Variants in NSUN6 observed in about 807,000 individuals in gnomAD.
The protein encoded by NSUN6 is NOP2/Sun RNA methyltransferase 6.
A neutral mutation model predicts 58.0 loss-of-function variants in NSUN6; 64 were observed. That is an observed-to-expected ratio of 1.10 (90% CI 0.90 to 1.36). NSUN6 has a LOEUF of 1.36. Among genes scored for constraint, NSUN6 ranks in the 40% most tolerant of loss-of-function variants. The pLI, the probability that NSUN6 is intolerant of heterozygous loss-of-function variation, is 0.00. For missense variants in NSUN6, 701 were observed against 550.1 expected (o/e 1.27, Z -2.74); for synonymous variants, 231 against 193.9 (o/e 1.19, Z -1.59).
At chr10:18,641,929 G>A (rs979276511) in intron 3 of NSUN6, among the ~76,000 whole-genome samples, 6 of 152,078 alleles carry the variant, frequency 3.9e-5, no homozygotes, top group African/African-American at 1.4e-4. Context: ...TTAGCCAGGT[G>A]CAGTGGTGCG....
At chr10:18,617,040 C>G (rs1455215026) in intron 3 of NSUN6, among the ~76,000 whole-genome samples, 1 of 152,146 alleles carries the variant, frequency 6.6e-6, no homozygotes. Flanking sequence ...TGCTCATTCT[C>G]TGCCTACTTC....
In NSUN6 at chr10:18,630,503, G is replaced by A. The variant is rs547894988; in HGVS notation, c.311+11973C>T. 9.3e-4 allele frequency among the ~76,000 whole-genome samples: 141 copies of A among 152,100 alleles called. 1 individual carries two copies. Among genetic ancestry groups the A allele is most frequent in the East Asian group, 2.1e-3 (11 of 5,180 alleles). On this transcript the variant is annotated intron_variant, in intron 3 of 10. Coordinates refer to ENST00000377304, the MANE Select transcript of NSUN6 (RefSeq NM_182543.5). Reference sequence around the variant, plus strand: ...AAAGGATCAACAAAATTGATAGACCGCTAGCAAGACTAATAAAGAAAAAAA... The same window carrying A: ...AAAGGATCAACAAAATTGATAGACCACTAGCAAGACTAATAAAGAAAAAAA...
At chr10:18,575,047 A>T (rs1410708377) in intron 8 of NSUN6, among the ~76,000 whole-genome samples, 3 of 152,160 alleles carry the variant, frequency 2.0e-5, no homozygotes, top group Admixed American at 6.6e-5. Context: ...TAATAAAAAT[A>T]GGCGCTAAAG....
intron 8 of NSUN6, among the ~76,000 whole-genome samples, chr10:18,566,773 T>A (rs914025022): frequency 6.6e-6 from 1 of 150,992 alleles, no homozygotes; most frequent in Non-Finnish European, 1.5e-5. Flanking sequence ...CGATTCTGCA[T>A]TCCATTCCAT....
intron 6 of NSUN6, among the ~76,000 whole-genome samples, chr10:18,606,153 C>T (rs1489384879): frequency 2.0e-5 from 3 of 151,976 alleles, no homozygotes; most frequent in African/African-American, 2.4e-5. Flanking sequence ...ATGATGGTTC[C>T]CAAATCTGGG....
At position 18,604,614 on chromosome 10, in the gene NSUN6, T is replaced by C. The variant is rs191152931; in HGVS notation, c.657+5231A>G. Among the ~76,000 whole-genome samples, 857 of 152,212 alleles carry C rather than the reference T, an allele frequency of 5.6e-3. 3 individuals carry two copies. Among genetic ancestry groups the C allele is most frequent in the Non-Finnish European group, 9.0e-3 (611 of 68,004 alleles). Reference sequence around the variant, plus strand: ...TAAAGTGTAGGAAGGCCAGGCATGGTGGCTCACACCTGTAATCCCAGCACT... The same window carrying C: ...TAAAGTGTAGGAAGGCCAGGCATGGCGGCTCACACCTGTAATCCCAGCACT... On this transcript the variant is annotated intron_variant, in intron 6 of 10. Transcript: ENST00000377304.
intron 3 of NSUN6, among the ~76,000 whole-genome samples, chr10:18,632,054 G>A (rs1393294293): frequency 6.7e-6 from 1 of 150,348 alleles, no homozygotes; most frequent in Non-Finnish European, 1.5e-5. Flanking sequence ...TACCAAAACA[G>A]AGATATAGAT....
intron 8 of NSUN6, among the ~76,000 whole-genome samples, chr10:18,573,033 T>C (rs1209941793): frequency 3.3e-5 from 5 of 151,192 alleles, no homozygotes; most frequent in African/African-American, 1.2e-4. Flanking sequence ...CCATTCTTCA[T>C]TCCATTCCAT....
Position 18,646,315 on chromosome 10 carries a change from GA to G in NSUN6, c.231+2174del, listed in dbSNP as rs552467177. On this transcript the variant is annotated intron_variant, in intron 2 of 10. Coordinates refer to ENST00000377304, the MANE Select transcript of NSUN6 (RefSeq NM_182543.5). The stretch of plus-strand genomic sequence containing the variant: ...ACACGTGAACTTTTCAACGTGAAAG[GA>G]AAAAGAAATCCACAGCCTAAAACCT... Among the ~76,000 whole-genome samples, 261 of 152,240 alleles carry G rather than the reference GA, an allele frequency of 1.7e-3. 13 individuals are homozygous for G. The South Asian group carries it at 0.053, about 31-fold the overall frequency.
chr10:18,548,259 CCA>C, intron 9 of NSUN6, 22 bp from the exon 10 acceptor site: 1 of 1,600,944 alleles, frequency 6.2e-7, no homozygotes, highest in Non-Finnish European at 8.5e-7. Flanking sequence ...TGTGATCAGA[CCA>C]CACACAGCAC....
At chr10:18,620,503 C>T (rs1045998270) in intron 3 of NSUN6, among the ~76,000 whole-genome samples, 3 of 152,186 alleles carry the variant, frequency 2.0e-5, no homozygotes, top group Non-Finnish European at 4.4e-5. Flanking sequence ...ACCCATCCCC[C>T]AACTCTGAAA....
chr10:18,588,583 C>A (rs1399368380), intron 7 of NSUN6, among the ~76,000 whole-genome samples: 1 of 152,178 alleles, frequency 6.6e-6, no homozygotes, highest in Non-Finnish European at 1.5e-5. Context: ...GAGGAAGGAA[C>A]AGGCAGCAAT....
intron 5 of NSUN6, among the ~76,000 whole-genome samples, chr10:18,612,935 T>G (rs1194411249): frequency 6.6e-6 from 1 of 152,202 alleles, no homozygotes; most frequent in African/African-American, 2.4e-5. Flanking sequence ...ATTCACTAAC[T>G]GAATAGCAAT....
upstream of NSUN6, among the ~76,000 whole-genome samples, chr10:18,656,219 G>T (rs1335765930): frequency 6.6e-6 from 1 of 152,094 alleles, no homozygotes; most frequent in Admixed American, 6.5e-5. Flanking sequence ...TCTGGAGACT[G>T]ATCAACTAAA....
In NSUN6 at chr10:18,557,592, T is replaced by C. The variant is rs116919605; in HGVS notation, c.923-5621A>G. ...ACAGTGGAATGAATGGAATGGAGAATGGAATGGAAGATGGATTGGAACGGA... is the reference window on the plus strand; with the variant it reads ...ACAGTGGAATGAATGGAATGGAGAACGGAATGGAAGATGGATTGGAACGGA... On this transcript the variant is annotated intron_variant, in intron 8 of 10. Transcript: ENST00000377304. 5.3e-3 allele frequency among the ~76,000 whole-genome samples: 744 copies of C among 140,866 alleles called. 20 individuals are homozygous for C. Among genetic ancestry groups the C allele is most frequent in the Admixed American group, 0.031 (430 of 13,940 alleles). 92.4% of individuals were successfully genotyped at this position (140,866 alleles called of 152,430 possible).
intron 3 of NSUN6, among the ~76,000 whole-genome samples, chr10:18,627,281 TAA>T (rs893652882): frequency 6.6e-6 from 1 of 152,194 alleles, no homozygotes; most frequent in African/African-American, 2.4e-5. Context: ...TTACTGTATA[TAA>T]AGTTTAACTG....
At chr10:18,637,276 G>T (rs2131532511) in intron 3 of NSUN6, among the ~76,000 whole-genome samples, 1 of 152,234 alleles carries the variant, frequency 6.6e-6, no homozygotes, top group African/African-American at 2.4e-5. Context: ...TTTCAGGAAT[G>T]AAATGTAGGT....
intron 10 of NSUN6, among the ~76,000 whole-genome samples, 200 bp from the exon 11 acceptor site, chr10:18,546,345 C>A (rs1265271486): frequency 6.6e-6 from 1 of 152,156 alleles, no homozygotes; most frequent in African/African-American, 2.4e-5. Context: ...CTATGCGTCA[C>A]CTGATGAACA....
At chr10:18,565,307 C>T (rs1413935432) in intron 8 of NSUN6, among the ~76,000 whole-genome samples, 1 of 149,286 alleles carries the variant, frequency 6.7e-6, no homozygotes, top group Admixed American at 6.7e-5. Context: ...TCTGCATTCT[C>T]GATTCCATTC....
Sources: gnomAD v4.1 joint callset for allele counts (sites outside exome capture counted in the v4.1 genomes callset) on GRCh38, gnomAD v4.1.1 for gene constraint, MANE v1.5 for transcripts, NCBI Gene and HGNC (gene_info 2026-07-23, HGNC 2026-07-21) for gene names.